The following AP4E1 variants were observed in gnomAD, a reference collection of about 807,000 sequenced individuals.
AP4E1 encodes adaptor related protein complex 4 subunit epsilon 1, also known as AP-4 complex subunit epsilon-1.
A neutral mutation model predicts 128.2 loss-of-function variants in AP4E1; 56 were observed. The ratio of observed to expected loss-of-function variants is 0.44; its 90% CI spans 0.35 to 0.55. AP4E1 has a LOEUF of 0.55. AP4E1 is among the 20% of genes least tolerant of loss of function. The pLI is 0.00. For missense variants in AP4E1, 1,324 were observed against 1,307.7 expected, an observed-to-expected ratio of 1.01 and a Z score of -0.19; for synonymous variants, 484 against 473.1, an observed-to-expected ratio of 1.02 and a Z score of -0.30.
In AP4E1 at chr15:51,001,062, C is replaced by G; in HGVS notation, c.3132C>G (p.Leu1044=). Residue 1044 remains leucine (L), a synonymous_variant, in exon 20 of 21, where the codon CTC becomes CTG. Transcript: ENST00000261842. ...LKISSDDFGK[L]WLSFANDVKQ... ...TCTCAAGTGACGACTTTGGGAAACT[C>G]TGGTTATCCTTCGCAAATGATGTGA... 3 of 1,613,386 alleles carry G rather than the reference C, an allele frequency of 1.9e-6. No homozygotes were observed. Among genetic ancestry groups the G allele is most frequent in the East Asian group, 4.5e-5 (2 of 44,778 alleles).
At chr15:50,923,874 G>A (rs1468366445) in intron 3 of AP4E1, 57 bp from the exon 4 acceptor site, 29 of 1,302,166 alleles carry the variant, frequency 2.2e-5, no homozygotes, top group Middle Eastern at 2.0e-4. Context: ...GTTTAACTTC[G>A]TGTGAAAAGT....
Position 50,925,166 on chromosome 15 carries a change from C to T in AP4E1, c.489C>T (p.Cys163=), listed in dbSNP as rs144690366. ...ALTVVSQIFP[C]EMIPAVLPLI... ...CTGTTGTTAGCCAGATTTTCCCCTG[C>T]GAAATGATTCCAGCTGTTCTTCCAT... Residue 163 remains cysteine, a synonymous_variant, in exon 5 of 21, where the codon TGC becomes TGT. Coordinates refer to ENST00000261842, the MANE Select transcript of AP4E1 (RefSeq NM_007347.5). The T allele has an allele frequency of 1.4e-5, 22 of 1,613,430 alleles. No individual in the cohort carries two copies. The highest frequency in any genetic ancestry group is 5.5e-5 in the South Asian group (5 of 91,058).
chr15:50,999,383 A>G (rs915947562), intron 19 of AP4E1, 121 bp downstream of exon 19: 1 of 734,424 alleles, frequency 1.4e-6, no homozygotes, highest in Non-Finnish European at 2.2e-6. Context: ...AACTACGCAC[A>G]GTTCCTACGT....
intron 3 of AP4E1, among the ~76,000 whole-genome samples, chr15:50,919,119 A>G (rs1199549038): frequency 1.3e-5 from 2 of 151,988 alleles, no homozygotes; most frequent in African/African-American, 2.4e-5. Flanking sequence ...AGTCCCAGCT[A>G]CTAGGGAGGC....
chr15:50,927,896 G>T (rs987690512), intron 5 of AP4E1, among the ~76,000 whole-genome samples: 1 of 152,174 alleles, frequency 6.6e-6, no homozygotes, highest in South Asian at 2.1e-4. Flanking sequence ...GATGTTTGCT[G>T]CTGTTCTGAG....
At chr15:50,957,332 C>T (rs11070825) in intron 13 of AP4E1, among the ~76,000 whole-genome samples, 1 of 151,992 alleles carries the variant, frequency 6.6e-6, no homozygotes, top group African/African-American at 2.4e-5. Context: ...TTTGAAGTTA[C>T]GCTGTCAAGC....
chr15:50,992,834 A>G (rs1378479206), intron 16 of AP4E1, among the ~76,000 whole-genome samples: 1 of 152,236 alleles, frequency 6.6e-6, no homozygotes, highest in Non-Finnish European at 1.5e-5. Flanking sequence ...GGGAGCATGT[A>G]TTCAGGGCAA....
chr15:50,915,341 C>A (rs2063617026), intron 2 of AP4E1, 107 bp from the exon 3 acceptor site: 1 of 1,178,062 alleles, frequency 8.5e-7, no homozygotes, highest in Admixed American at 2.1e-5. Context: ...TATGTTATTT[C>A]TTCAGCACCA....
At chr15:50,951,282 G>T (rs1032739662) in intron 13 of AP4E1, among the ~76,000 whole-genome samples, 1 of 152,148 alleles carries the variant, frequency 6.6e-6, no homozygotes. Flanking sequence ...TCATTTTCTC[G>T]TGGCTGAGTT....
At chr15:50,934,582 G>A (rs2063881910) in intron 7 of AP4E1, 42 bp from the exon 8 acceptor site, 1 of 1,388,192 alleles carries the variant, frequency 7.2e-7, no homozygotes, top group Non-Finnish European at 1.0e-6. Flanking sequence ...TATTGGGTTA[G>A]AATACTATAA....
intron 16 of AP4E1, among the ~76,000 whole-genome samples, chr15:50,992,248 G>A (rs1041640372): frequency 6.6e-6 from 1 of 152,056 alleles, no homozygotes; most frequent in Non-Finnish European, 1.5e-5. Context: ...GACTGTTTAT[G>A]TTATTAGTAA....
chr15:50,999,551 G>C (rs2064929738), intron 19 of AP4E1, among the ~76,000 whole-genome samples: 1 of 152,134 alleles, frequency 6.6e-6, no homozygotes. Context: ...GGTAAAGCTT[G>C]TGAGAAAAAG....
upstream of AP4E1, among the ~76,000 whole-genome samples, chr15:50,908,347 C>T (rs2141120137): frequency 6.6e-6 from 1 of 152,208 alleles, no homozygotes; most frequent in South Asian, 2.1e-4. Flanking sequence ...CGGCGGACGG[C>T]GCGGGGACGT....
At chr15:50,920,075 T>TCAA (rs1316157773) in intron 3 of AP4E1, among the ~76,000 whole-genome samples, 1 of 88,180 alleles carries the variant, frequency 1.1e-5, no homozygotes, top group Non-Finnish European at 2.1e-5. Context: ...ATAATATGTC[T>TCAA]AAAAAAAAAA....
chr15:50,998,350 G>T (rs2064909424), intron 18 of AP4E1, among the ~76,000 whole-genome samples: 1 of 151,920 alleles, frequency 6.6e-6, no homozygotes, highest in Admixed American at 6.6e-5. Flanking sequence ...TCACCTGTGG[G>T]GCCAGGTGCG....
intron 15 of AP4E1, among the ~76,000 whole-genome samples, chr15:50,970,713 G>A (rs563830855): frequency 5.9e-5 from 9 of 152,184 alleles, no homozygotes; most frequent in East Asian, 3.9e-4. Flanking sequence ...TGTCTGGAAC[G>A]TCTTTTTCCA....
intron 7 of AP4E1, among the ~76,000 whole-genome samples, chr15:50,931,322 C>G (rs2063832745): frequency 0.011 from 1 of 94 alleles, no homozygotes; most frequent in African/African-American, 0.071. Context: ...GTAATCCCAG[C>G]ACTTGGGAGG....
chr15:50,948,910 T>G (rs1297660857), intron 11 of AP4E1, among the ~76,000 whole-genome samples: 1 of 149,214 alleles, frequency 6.7e-6, no homozygotes, highest in Non-Finnish European at 1.5e-5. Flanking sequence ...AGGCGGAGGT[T>G]GCAGTGAGCT....
At chr15:50,991,153 C>T (rs2064801397) in intron 16 of AP4E1, among the ~76,000 whole-genome samples, 1 of 152,208 alleles carries the variant, frequency 6.6e-6, no homozygotes, top group Non-Finnish European at 1.5e-5. Flanking sequence ...AAGTAGCCCT[C>T]TGCAGCTCAG....
Sources: gnomAD v4.1 joint callset for allele counts (sites outside exome capture counted in the v4.1 genomes callset) on GRCh38, gnomAD v4.1.1 for gene constraint, MANE v1.5 for transcripts, NCBI Gene and HGNC (gene_info 2026-07-23, HGNC 2026-07-21) for gene names.